ETS1: variants seen among roughly 807,000 people sequenced by gnomAD.
ETS1 encodes the protein ETS proto-oncogene 1, transcription factor, also known as protein C-ets-1.
In ETS1, 15 loss-of-function variants were observed where a neutral mutation model predicts 58.6. The observed-to-expected ratio is 0.26, with a 90% CI of 0.17 to 0.39. The LOEUF (loss-of-function observed/expected upper bound fraction) is 0.39. Among genes scored for constraint, ETS1 ranks in the 10% least tolerant of loss-of-function variants. ETS1 has a pLI of 1.00. For missense variants in ETS1, 417 were observed against 610.5 expected (o/e 0.68, Z 3.34); for synonymous variants, 214 against 218.2 (o/e 0.98, Z 0.17).
At chr11:128,555,056 A>G (rs1247099331) in intron 3 of ETS1, among the ~76,000 whole-genome samples, 1 of 152,176 alleles carries the variant, frequency 6.6e-6, no homozygotes, top group Non-Finnish European at 1.5e-5. Flanking sequence ...TATTATGTCT[A>G]CAATCCAGGA....
At chr11:128,572,098 C>T (rs1864647972) in intron 2 of ETS1, 1 of 150,864 alleles carries the variant, frequency 6.6e-6, no homozygotes, top group African/African-American at 2.4e-5. Flanking sequence ...CATGGTGAAA[C>T]CCCTTCTCTA....
At chr11:128,484,665 A>G (rs1052464851) in intron 7 of ETS1, among the ~76,000 whole-genome samples, 158 bp downstream of exon 7, 11 of 152,284 alleles carry the variant, frequency 7.2e-5, no homozygotes, top group Non-Finnish European at 1.0e-4. Flanking sequence ...ACCACGATGG[A>G]AAGTTCTTAG....
rs1469257119 is a variant in ETS1 at position 128,461,896 on chromosome 11, C to CA, written c.*464_*465insT. 6.5e-6 allele frequency: 1 copy of CA among 154,922 alleles called. No homozygotes were observed. Among genetic ancestry groups the CA allele is most frequent in the African/African-American group, 2.4e-5 (1 of 41,450 alleles). 9.6% of individuals were successfully genotyped at this position (154,922 alleles called of 1,614,324 possible). On this transcript the variant is annotated 3_prime_UTR_variant, in exon 10 of 10. Transcript: ENST00000392668. ...TCTCAGATTTTCAGTGCATCCCCCC[C>CA]CAAAACATGTTTCATCCCACCCACC...
chr11:128,484,467 G>A (rs1862571008), intron 7 of ETS1, among the ~76,000 whole-genome samples: 1 of 152,180 alleles, frequency 6.6e-6, no homozygotes, highest in Non-Finnish European at 1.5e-5. Flanking sequence ...GTGGCCACTT[G>A]AACCATTTTT....
chr11:128,577,964 T>C (rs986121924), intron 1 of ETS1, among the ~76,000 whole-genome samples: 1 of 149,542 alleles, frequency 6.7e-6, no homozygotes, highest in Non-Finnish European at 1.5e-5. Context: ...CTAAGCACCC[T>C]CATCACCCTG....
At chr11:128,522,729 A>G (rs1244084852) in intron 3 of ETS1, among the ~76,000 whole-genome samples, 1 of 152,190 alleles carries the variant, frequency 6.6e-6, no homozygotes, top group Non-Finnish European at 1.5e-5. Flanking sequence ...CCCTCCCAGT[A>G]GCAGCATAGT....
At chr11:128,585,350 A>AGGAAGGAAGGAAGGAG (rs1865012847) in intron 1 of ETS1, among the ~76,000 whole-genome samples, 1 of 150,958 alleles carries the variant, frequency 6.6e-6, no homozygotes, top group Non-Finnish European at 1.5e-5. Context: ...GAAGGAAGCA[A>AGGAAGGAAGGAAGGAG]GGAAGGAAGG....
chr11:128,470,302 G>A (rs192416654), intron 8 of ETS1, among the ~76,000 whole-genome samples: 26 of 152,216 alleles, frequency 1.7e-4, no homozygotes, highest in Non-Finnish European at 2.8e-4. Flanking sequence ...GAGTGATGAC[G>A]GCATCCTATA....
intron 1 of ETS1, among the ~76,000 whole-genome samples, chr11:128,579,139 T>A (rs76479134): frequency 0.025 from 3,861 of 152,286 alleles, 168 homozygotes; most frequent in African/African-American, 0.087. Context: ...GGTTAAAACA[T>A]ATCCTGGGTA....
chr11:128,560,469 A>G (rs1030275943), intron 2 of ETS1, among the ~76,000 whole-genome samples: 2 of 152,204 alleles, frequency 1.3e-5, no homozygotes, highest in African/African-American at 4.8e-5. Flanking sequence ...TTTCATCTTC[A>G]TTTTACAGAA....
rs1555092907 is a variant in ETS1, at chr11:128,584,987, A to AAAGG, written c.-15+2497_-15+2500dup. On this transcript the variant is annotated intron_variant, in intron 1 of 9. Coordinates refer to ENST00000392668, the MANE Select transcript of ETS1 (RefSeq NM_001143820.2). ...GAAAGAAAGAAAGAAAGAAAGAAAGAAAGGAAGGAAGGAAGGAAAGAAAGG... is the reference window on the plus strand; with the variant it reads ...GAAAGAAAGAAAGAAAGAAAGAAAGAAAGGAAGGAAGGAAGGAAGGAAAGAAAGG... 8.6e-4 allele frequency among the ~76,000 whole-genome samples: 44 copies of AAAGG among 51,222 alleles called. 9 individuals are homozygous for AAAGG. In the East Asian group the frequency reaches 0.017, roughly 20 times the overall value. 33.6% of individuals were successfully genotyped at this position (51,222 alleles called of 152,430 possible).
intron 1 of ETS1, among the ~76,000 whole-genome samples, chr11:128,578,634 T>C (rs371190169): frequency 4.7e-4 from 71 of 152,278 alleles, no homozygotes; most frequent in African/African-American, 1.7e-3. Context: ...TTGTTCAATA[T>C]TCTTCTGGGT....
intron 3 of ETS1, among the ~76,000 whole-genome samples, chr11:128,523,489 A>G (rs1408207382): frequency 6.6e-6 from 1 of 152,240 alleles, no homozygotes; most frequent in Non-Finnish European, 1.5e-5. Context: ...AGAGAAAGCT[A>G]TTTTTAATGT....
intron 2 of ETS1, among the ~76,000 whole-genome samples, chr11:128,556,728 C>G (rs542583691): frequency 6.6e-6 from 1 of 152,096 alleles, no homozygotes; most frequent in Admixed American, 6.5e-5. Flanking sequence ...ACAGCAGGGC[C>G]GAATGCTGAC....
At chr11:128,529,316 A>AG (rs1339578374) in intron 3 of ETS1, among the ~76,000 whole-genome samples, 5 of 152,158 alleles carry the variant, frequency 3.3e-5, no homozygotes, top group Non-Finnish European at 7.3e-5. Flanking sequence ...ATATTGAGGA[A>AG]GGGTATGGGT....
chr11:128,585,068 GAAAGAAAGA>G (rs764601967), intron 1 of ETS1, among the ~76,000 whole-genome samples: 236 of 20,590 alleles, frequency 0.011, 46 homozygotes, highest in African/African-American at 0.015. Context: ...AAGAAAGAAA[GAAAGAAAGA>G]GAAAGAAAGA....
At position 128,585,168 on chromosome 11, in the gene ETS1, G is replaced by GAGAAAGAAAGAA. The variant is rs1555093148; in HGVS notation, c.-15+2308_-15+2319dup. Among the ~76,000 whole-genome samples, 2 of 8,384 alleles carry GAGAAAGAAAGAA rather than the reference G, an allele frequency of 2.4e-4. 1 individual carries two copies. Among genetic ancestry groups the GAGAAAGAAAGAA allele is most frequent in the South Asian group, 5.6e-3 (2 of 354 alleles). 5.5% of individuals were successfully genotyped at this position (8,384 alleles called of 152,430 possible). A position where few individuals can be genotyped will look rare whatever the true frequency, so the allele number is the denominator to read the frequency against. On this transcript the variant is annotated intron_variant, in intron 1 of 9. Transcript: ENST00000392668. The stretch of plus-strand genomic sequence containing the variant: ...AGAAAGAAAGAAAGAAAGAAAGAAA[G>GAGAAAGAAAGAA]AGAAAGAAAGAAAGAAAGAAGGAAG...
intron 3 of ETS1, among the ~76,000 whole-genome samples, chr11:128,529,430 A>G (rs139206116): frequency 3.9e-5 from 6 of 152,354 alleles, no homozygotes; most frequent in African/African-American, 1.4e-4. Flanking sequence ...CAGGTGGCAC[A>G]GAAATATAGA....
In ETS1 at chr11:128,556,262, T is replaced by C. The variant is rs773968796; in HGVS notation, c.214+29A>G. On this transcript the variant is annotated intron_variant, in intron 3 of 9. Transcript: ENST00000392668. The stretch of plus-strand genomic sequence containing the variant: ...TTTCCATTGTCCTTCAACTCTATCC[T>C]CATTCCCAGCTTTTGTTTATGTTCC... 4.4e-6 allele frequency: 7 copies of C among 1,585,014 alleles called. No homozygotes were observed. In the South Asian group the frequency reaches 8.1e-5, roughly 18 times the overall value.
Sources: gnomAD v4.1 joint callset for allele counts (sites outside exome capture counted in the v4.1 genomes callset) on GRCh38, gnomAD v4.1.1 for gene constraint, MANE v1.5 for transcripts, NCBI Gene and HGNC (gene_info 2026-07-23, HGNC 2026-07-21) for gene names.